MTUS1: variants seen among roughly 807,000 people sequenced by gnomAD.
The protein encoded by MTUS1 is microtubule-associated tumor suppressor 1.
Under a neutral mutation model 120.8 loss-of-function variants are expected in MTUS1, and 109 were observed. The ratio of observed to expected loss-of-function variants is 0.90; its 90% confidence interval spans 0.77 to 1.06. MTUS1 has a LOEUF of 1.06. Among genes scored for constraint, MTUS1 ranks in the 50% least tolerant of loss-of-function variants. The pLI, the probability that MTUS1 is intolerant of heterozygous loss-of-function variation, is 0.00. For missense variants in MTUS1, 2,210 were observed against 1,486.3 expected (o/e 1.49, Z -8.01); for synonymous variants, 737 against 550.5 (o/e 1.34, Z -4.74).
At chr8:17,693,617 C>G (rs1024937425) in intron 6 of MTUS1, among the ~76,000 whole-genome samples, 1 of 152,172 alleles carries the variant, frequency 6.6e-6, no homozygotes, top group Non-Finnish European at 1.5e-5. Flanking sequence ...TTTTCTCTGT[C>G]GGAAACACTT....
chr8:17,688,556 C>T (rs921525046), intron 6 of MTUS1, among the ~76,000 whole-genome samples: 1 of 152,190 alleles, frequency 6.6e-6, no homozygotes, highest in Admixed American at 6.5e-5. Context: ...CATGGACAGA[C>T]AGAAAATTCC....
intron 13 of MTUS1, among the ~76,000 whole-genome samples, chr8:17,648,744 T>C (rs1053544197): frequency 6.6e-6 from 1 of 152,184 alleles, no homozygotes; most frequent in Non-Finnish European, 1.5e-5. Flanking sequence ...AGGTCCCCCA[T>C]GTCCCCTACT....
intron 6 of MTUS1, among the ~76,000 whole-genome samples, chr8:17,710,990 G>C (rs1231696293): frequency 6.6e-6 from 1 of 152,150 alleles, no homozygotes; most frequent in East Asian, 1.9e-4. Flanking sequence ...GACATCTCTT[G>C]AGTTGTAGGT....
intron 4 of MTUS1, chr8:17,721,995 G>GA (rs34302917): frequency 0.021 from 23,347 of 1,131,586 alleles, 12 homozygotes; most frequent in African/African-American, 0.033. Flanking sequence ...CGAATGGAGG[G>GA]AAAAAAAAAA....
At chr8:17,661,668 C>T (rs1809726105) in intron 8 of MTUS1, among the ~76,000 whole-genome samples, 2 of 135,018 alleles carry the variant, frequency 1.5e-5, no homozygotes, top group African/African-American at 6.0e-5. Flanking sequence ...GCAGCTCTGA[C>T]GTTTTGATAA....
At position 17,769,881 on chromosome 8, in the gene MTUS1, TACAC is replaced by T. The variant is rs56287929; in HGVS notation, c.-154-13924_-154-13921del. 5.5e-3 allele frequency among the ~76,000 whole-genome samples: 548 copies of T among 99,590 alleles called. 2 individuals carry two copies. The highest frequency in any genetic ancestry group is 0.011 in the African/African-American group (302 of 26,706). 65.3% of individuals were successfully genotyped at this position (99,590 alleles called of 152,430 possible). ...CTGACCCACTGCCACACTCTTTGCT[TACAC>T]ACACACACACACACACACACACACA... On this transcript the variant is annotated intron_variant, in intron 1 of 14. Coordinates refer to ENST00000693296, the MANE Select transcript of MTUS1 (RefSeq NM_001363059.2).
chr8:17,765,157 G>A (rs1455046770), intron 1 of MTUS1, among the ~76,000 whole-genome samples: 2 of 152,180 alleles, frequency 1.3e-5, no homozygotes, highest in African/African-American at 2.4e-5. Flanking sequence ...AGGAGAATCT[G>A]ATGCTGTCGC....
intron 1 of MTUS1, among the ~76,000 whole-genome samples, chr8:17,778,672 G>C (rs1427347491): frequency 6.6e-6 from 1 of 152,082 alleles, no homozygotes; most frequent in East Asian, 1.9e-4. Flanking sequence ...AGCCAGGTGT[G>C]GTGGTGGGTG....
Position 17,754,514 on chromosome 8 carries a change from C to A in MTUS1, c.1294G>T (p.Val432Phe). The change falls in exon 2 of 15, where the codon GTC becomes TTC. Residue 432 changes from valine to phenylalanine, a missense_variant. Coordinates refer to ENST00000693296, the MANE Select transcript of MTUS1 (RefSeq NM_001363059.2). ...TDKTMCMSTP[V>F]LEPTKVTFSV... ...AAGGTTACTTTTGTGGGTTCTAGGA[C>A]TGGTGTTGACATGCACATCGTTTTG... 6.2e-7 allele frequency: 1 copy of A among 1,614,174 alleles called. No individual in the cohort carries two copies. The highest frequency in any genetic ancestry group is 8.5e-7 in the Non-Finnish European group (1 of 1,180,036).
chr8:17,676,483 G>C, intron 7 of MTUS1: 1 of 610,130 alleles, frequency 1.6e-6, no homozygotes, highest in Non-Finnish European at 2.9e-6. Context: ...TGTCCTGCAG[G>C]TTACCGTGTG....
At chr8:17,672,877 G>T (rs956920391) in intron 8 of MTUS1, among the ~76,000 whole-genome samples, 1 of 152,188 alleles carries the variant, frequency 6.6e-6, no homozygotes, top group East Asian at 1.9e-4. Flanking sequence ...CTCACTGGAG[G>T]TGCTGAATCC....
intron 8 of MTUS1, among the ~76,000 whole-genome samples, chr8:17,666,562 G>A (rs1189588362): frequency 1.8e-4 from 27 of 152,182 alleles, no homozygotes; most frequent in Admixed American, 1.7e-3. Flanking sequence ...GCACCTACAT[G>A]AGAACCACCT....
At chr8:17,752,148 T>C (rs1372080209) in intron 2 of MTUS1, among the ~76,000 whole-genome samples, 1 of 151,974 alleles carries the variant, frequency 6.6e-6, no homozygotes, top group Non-Finnish European at 1.5e-5. Context: ...TAAGACTCAA[T>C]GCACAAATCA....
At chr8:17,658,533 G>A (rs180959283) in intron 8 of MTUS1, among the ~76,000 whole-genome samples, 3 of 152,314 alleles carry the variant, frequency 2.0e-5, no homozygotes, top group Non-Finnish European at 4.4e-5. Flanking sequence ...CAGGCAGACA[G>A]GGTACTACTG....
At chr8:17,690,196 A>C (rs551133085) in intron 6 of MTUS1, among the ~76,000 whole-genome samples, 1 of 152,204 alleles carries the variant, frequency 6.6e-6, no homozygotes, top group Non-Finnish European at 1.5e-5. Flanking sequence ...AACCCCAATA[A>C]AAAATGGGCA....
intron 1 of MTUS1, among the ~76,000 whole-genome samples, chr8:17,789,590 T>C (rs2051599305): frequency 6.6e-6 from 1 of 152,052 alleles, no homozygotes; most frequent in Non-Finnish European, 1.5e-5. Context: ...AAATGGAAAA[T>C]GTCTTTATGT....
At chr8:17,716,441 C>T (rs1002868412) in intron 4 of MTUS1, 1 of 152,364 alleles carries the variant, frequency 6.6e-6, no homozygotes, top group African/African-American at 2.4e-5. Context: ...TATGTTTTAG[C>T]TCCAAAGCAA....
chr8:17,712,272 T>C (rs903720363), intron 6 of MTUS1, among the ~76,000 whole-genome samples: 2 of 152,196 alleles, frequency 1.3e-5, no homozygotes, highest in Non-Finnish European at 2.9e-5. Context: ...GTTTTATCAC[T>C]GTATATAAAA....
intron 3 of MTUS1, among the ~76,000 whole-genome samples, chr8:17,742,762 A>G (rs2047436769): frequency 6.6e-6 from 1 of 152,214 alleles, no homozygotes; most frequent in South Asian, 2.1e-4. Flanking sequence ...TAAATTGTAG[A>G]GAGGTACAGA....
Sources: gnomAD v4.1 joint callset for allele counts (sites outside exome capture counted in the v4.1 genomes callset) on GRCh38, gnomAD v4.1.1 for gene constraint, MANE v1.5 for transcripts, NCBI Gene and HGNC (gene_info 2026-07-23, HGNC 2026-07-21) for gene names.